Variants in CERS6 observed in about 807,000 individuals in gnomAD.
CERS6 encodes ceramide synthase 6.
Under a neutral mutation model 56.8 loss-of-function variants are expected in CERS6, and 26 were observed. That is an observed-to-expected ratio of 0.46 (90% CI 0.34 to 0.63). The LOEUF is 0.63. Ranked by LOEUF, CERS6 falls within the 30% of genes least tolerant of loss-of-function variation. CERS6 has a pLI of 0.01. For synonymous variants in CERS6, 164 were observed against 173.3 expected, an observed-to-expected ratio of 0.95 and a Z score of 0.42; for missense variants, 415 against 467.5, an observed-to-expected ratio of 0.89 and a Z score of 1.04.
chr2:168,470,252 A>G (rs932531497), intron 1 of CERS6, among the ~76,000 whole-genome samples: 3 of 149,376 alleles, frequency 2.0e-5, no homozygotes, highest in Non-Finnish European at 4.4e-5. Flanking sequence ...GCGTGGTGGT[A>G]TGCACCTGGA....
At chr2:168,698,158 T>C (rs1382879176) in intron 6 of CERS6, among the ~76,000 whole-genome samples, 1 of 137,076 alleles carries the variant, frequency 7.3e-6, no homozygotes, top group Non-Finnish European at 1.6e-5. Flanking sequence ...TAGCCAGATA[T>C]GGTGTTGTGC....
chr2:168,613,802 C>T (rs377121132), intron 3 of CERS6, among the ~76,000 whole-genome samples: 3 of 152,250 alleles, frequency 2.0e-5, no homozygotes, highest in African/African-American at 7.2e-5. Flanking sequence ...TCATGATGCT[C>T]GGTTCAAGTG....
chr2:168,533,989 T>C (rs1695212950), intron 1 of CERS6, among the ~76,000 whole-genome samples: 1 of 152,042 alleles, frequency 6.6e-6, no homozygotes, highest in African/African-American at 2.4e-5. Context: ...CTGATATGCT[T>C]TCTTCCGCTT....
At chr2:168,576,991 CA>C (rs2105393072) in intron 3 of CERS6, among the ~76,000 whole-genome samples, 1 of 152,178 alleles carries the variant, frequency 6.6e-6, no homozygotes, top group East Asian at 1.9e-4. Context: ...TGATTTTGGT[CA>C]TGTGAATCTG....
At chr2:168,669,186 A>G (rs543943846) in intron 4 of CERS6, among the ~76,000 whole-genome samples, 2 of 152,314 alleles carry the variant, frequency 1.3e-5, no homozygotes, top group South Asian at 4.1e-4. Flanking sequence ...GCTCTACCAC[A>G]TTGGTACACA....
intron 1 of CERS6, among the ~76,000 whole-genome samples, chr2:168,519,615 C>G (rs73020560): frequency 0.026 from 4,017 of 152,210 alleles, 154 homozygotes; most frequent in African/African-American, 0.091. Flanking sequence ...GCAGTATTTG[C>G]TTTTCTGAGA....
intron 4 of CERS6, among the ~76,000 whole-genome samples, chr2:168,678,362 G>A (rs1197491932): frequency 2.6e-5 from 4 of 152,186 alleles, no homozygotes; most frequent in Admixed American, 2.0e-4. Flanking sequence ...AAAGGGAAAT[G>A]TGGAGGAAGC....
chr2:168,766,789 C>T (rs540503411), intron 9 of CERS6, among the ~76,000 whole-genome samples: 1 of 152,330 alleles, frequency 6.6e-6, no homozygotes, highest in Admixed American at 6.5e-5. Flanking sequence ...CATATGGCAG[C>T]ACCTGACCAC....
chr2:168,607,076 A>T (rs571175982), intron 3 of CERS6, among the ~76,000 whole-genome samples: 14 of 152,198 alleles, frequency 9.2e-5, no homozygotes, highest in Non-Finnish European at 1.9e-4. Flanking sequence ...CTTTATAGCA[A>T]TGCAAGAATG....
intron 2 of CERS6, among the ~76,000 whole-genome samples, chr2:168,552,622 A>G (rs543441388): frequency 1.3e-5 from 2 of 152,288 alleles, no homozygotes; most frequent in South Asian, 4.2e-4. Flanking sequence ...AGGAGACAAA[A>G]GAACCACCCA....
At chr2:168,514,069 T>C (rs1694843874) in intron 1 of CERS6, among the ~76,000 whole-genome samples, 1 of 152,220 alleles carries the variant, frequency 6.6e-6, no homozygotes, top group Non-Finnish European at 1.5e-5. Flanking sequence ...ATGATAGTAA[T>C]TTACGGTGTT....
At chr2:168,529,022 G>A (rs924053635) in intron 1 of CERS6, among the ~76,000 whole-genome samples, 5 of 152,214 alleles carry the variant, frequency 3.3e-5, no homozygotes, top group Admixed American at 3.3e-4. Context: ...AGTGATAATA[G>A]GGTGAGGGGT....
chr2:168,686,834 G>A (rs1686366015), intron 4 of CERS6, among the ~76,000 whole-genome samples: 1 of 152,140 alleles, frequency 6.6e-6, no homozygotes, highest in Admixed American at 6.5e-5. Flanking sequence ...TTACCTTGAT[G>A]CATGTATTAA....
At chr2:168,551,660 A>G (rs985894889) in intron 2 of CERS6, among the ~76,000 whole-genome samples, 3 of 152,180 alleles carry the variant, frequency 2.0e-5, no homozygotes, top group Admixed American at 6.5e-5. Context: ...ATTGGTTCCC[A>G]TATTTTGATT....
intron 3 of CERS6, among the ~76,000 whole-genome samples, chr2:168,573,366 A>G (rs961306085): frequency 6.6e-6 from 1 of 152,226 alleles, no homozygotes; most frequent in Non-Finnish European, 1.5e-5. Flanking sequence ...TTTGAAATCA[A>G]CAAATCTAAG....
chr2:168,627,518 T>A (rs1684616965), intron 3 of CERS6, among the ~76,000 whole-genome samples: 1 of 152,174 alleles, frequency 6.6e-6, no homozygotes, highest in Non-Finnish European at 1.5e-5. Flanking sequence ...TTTTGGCACT[T>A]AATAATACAG....
Position 168,456,640 on chromosome 2 carries a change from C to T in CERS6, c.170+22C>T, listed in dbSNP as rs777597598. The stretch of plus-strand genomic sequence containing the variant: ...AGAGGTAAGAAGGGCTGAAGCCCCT[C>T]CTCCCCTCCCCCTGCGCACACACAC... On this transcript the variant is annotated intron_variant, in intron 1 of 9. Transcript: ENST00000305747. This position sits in a 1 kb window ranked among gnomAD's most constrained non-coding sequence, Gnocchi z 4.1. The T allele has an allele frequency of 1.9e-6, 3 of 1,609,498 alleles. No homozygotes were observed. The Admixed American group carries it at 5.0e-5, about 27-fold the overall frequency.
chr2:168,686,330 C>T (rs184632640), intron 4 of CERS6, among the ~76,000 whole-genome samples: 62 of 150,974 alleles, frequency 4.1e-4, no homozygotes, highest in Non-Finnish European at 7.5e-4. Flanking sequence ...CTTATGACCT[C>T]GTTTTATGTT....
intron 4 of CERS6, among the ~76,000 whole-genome samples, chr2:168,673,036 G>T (rs1685961434): frequency 6.6e-6 from 1 of 152,172 alleles, no homozygotes; most frequent in African/African-American, 2.4e-5. Flanking sequence ...AGTTTGACCA[G>T]TTGTCTTATT....
Sources: allele counts gnomAD v4.1 joint callset (sites outside exome capture counted in the v4.1 genomes callset), GRCh38; gene constraint gnomAD v4.1.1; non-coding constraint Gnocchi (gnomAD v3.1); transcripts MANE v1.5; gene names NCBI Gene and HGNC (gene_info 2026-07-23, HGNC 2026-07-21).